ANKRD11: variants seen among roughly 807,000 people sequenced by gnomAD.
The protein encoded by ANKRD11 is ankyrin repeat domain-containing protein 11.
Under a neutral mutation model 195.7 loss-of-function variants are expected in ANKRD11, and 17 were observed. That is an observed-to-expected ratio of 0.09 (90% CI 0.06 to 0.13). The LOEUF is 0.13. ANKRD11 is among the 10% of genes least tolerant of loss of function. The pLI, the probability that ANKRD11 is intolerant of heterozygous loss-of-function variation, is 1.00. For missense variants in ANKRD11, 3,735 were observed against 3,566.1 expected (o/e 1.05, Z -1.21); for synonymous variants, 1,953 against 1,528.1 (o/e 1.28, Z -6.49).
intron 2 of ANKRD11, among the ~76,000 whole-genome samples, chr16:89,416,369 G>A (rs1421094552): frequency 1.3e-5 from 2 of 151,908 alleles, no homozygotes; most frequent in African/African-American, 4.8e-5. Context: ...TTGTGATCTT[G>A]GCTCACTGAA....
chr16:89,301,210 G>A (rs969581211), intron 4 of ANKRD11: 1 of 413,928 alleles, frequency 2.4e-6, no homozygotes, highest in African/African-American at 2.1e-5. Context: ...AGCCTCAAGG[G>A]ATCCTCCCGC....
At chr16:89,459,256 G>A (rs1362665476) in intron 1 of ANKRD11, 3 of 171,648 alleles carry the variant, frequency 1.7e-5, no homozygotes, top group Middle Eastern at 2.0e-3. Flanking sequence ...GTCTTGAGAG[G>A]AGGGAACAGT....
rs143429968 is a variant in ANKRD11 at position 89,274,850 on chromosome 16, C to T, written c.7677G>A (p.Leu2559=). Residue 2559 remains leucine (L), a synonymous_variant, in exon 11 of 13, where the codon CTG becomes CTA. Coordinates refer to ENST00000301030, the MANE Select transcript of ANKRD11 (RefSeq NM_013275.6). ...GGGGCATGTTGTAGACCTCGGAGTC[C>T]AGCAGCATCGTGCAGGCGCTGAATG... The part of the protein sequence containing the change: ...AVPFSACTML[L]DSEVYNMPLE... 10 of 1,612,710 alleles carry T rather than the reference C, an allele frequency of 6.2e-6. No homozygotes were observed. In the Admixed American group the frequency reaches 1.5e-4, roughly 24 times the overall value.
In ANKRD11 at chr16:89,418,339, G is replaced by T; in HGVS notation, c.-115C>A. Reference sequence around the variant, plus strand: ...AGGACTGTCTTTTAAATCCAATGGAGGTGTGTCCCAGAGCAGGGCTGTATA... The same window carrying T: ...AGGACTGTCTTTTAAATCCAATGGATGTGTGTCCCAGAGCAGGGCTGTATA... On this transcript the variant is annotated 5_prime_UTR_variant, in exon 2 of 13. Transcript: ENST00000301030. The T allele has an allele frequency of 2.2e-6, 1 of 453,898 alleles. No individual in the cohort carries two copies. The allele number at this position is 453,898 out of a possible 1,614,324, so 28.1% of individuals were successfully genotyped here. A position where few individuals can be genotyped will look rare whatever the true frequency, so the allele number is the denominator to read the frequency against.
In ANKRD11 at chr16:89,281,432, G is replaced by T. The variant is rs1567565765; in HGVS notation, c.5110C>A (p.Pro1704Thr). 6.2e-7 allele frequency: 1 copy of T among 1,612,936 alleles called. No homozygotes were observed. Among genetic ancestry groups the T allele is most frequent in the African/African-American group, 1.3e-5 (1 of 74,992 alleles). Reference protein sequence around the residue: ...RPDQSRPTGVPTPTSVLSCPS... With the variant: ...RPDQSRPTGVTTPTSVLSCPS... ...CAGGATAGCACCGACGTAGGGGTGG[G>T]CACGCCAGTGGGCCGGCTCTGGTCA... Residue 1704 changes from proline (P) to threonine (T), a missense_variant, in exon 9 of 13, where the codon CCC (proline) becomes ACC (threonine). Coordinates refer to ENST00000301030, the MANE Select transcript of ANKRD11 (RefSeq NM_013275.6). This position sits in a 1 kb window ranked among gnomAD's most constrained non-coding sequence, Gnocchi z 5.5.
At chr16:89,383,179 G>A (rs1490038422) in intron 2 of ANKRD11, among the ~76,000 whole-genome samples, 2 of 152,236 alleles carry the variant, frequency 1.3e-5, no homozygotes, top group African/African-American at 2.4e-5. Context: ...TGAGTAAAGG[G>A]AGCGGTGCGA....
At chr16:89,289,624 G>A (rs1439702209) in intron 6 of ANKRD11, among the ~76,000 whole-genome samples, 3 of 152,222 alleles carry the variant, frequency 2.0e-5, no homozygotes, top group South Asian at 2.1e-4. Context: ...CGGCCTCCCG[G>A]CTCAGAGGTG....
intron 1 of ANKRD11, among the ~76,000 whole-genome samples, chr16:89,459,646 C>T (rs1381616477): frequency 2.0e-5 from 3 of 152,074 alleles, no homozygotes; most frequent in South Asian, 2.1e-4. Context: ...AACAACTGAT[C>T]GTGTTCTATA....
Position 89,320,169 on chromosome 16 carries a change from T to G in ANKRD11, c.-59-3091A>C, listed in dbSNP as rs981968579. On this transcript the variant is annotated intron_variant, in intron 2 of 12. Transcript: ENST00000301030. The stretch of plus-strand genomic sequence containing the variant: ...CTGGCAGGGCTGTCACATAAAACAG[T>G]CCTTGAAGCTGGGAGTCCCCTCTTT... 3 of 152,182 alleles carry G rather than the reference T, an allele frequency of 2.0e-5. No homozygotes were observed. The East Asian group carries it at 5.8e-4, about 29-fold the overall frequency. 9.4% of individuals were successfully genotyped at this position (152,182 alleles called of 1,614,324 possible). A position where few individuals can be genotyped will look rare whatever the true frequency, so the allele number is the denominator to read the frequency against.
intron 9 of ANKRD11, 119 bp downstream of exon 9, chr16:89,278,953 A>C: frequency 6.8e-7 from 1 of 1,468,136 alleles, no homozygotes. Flanking sequence ...AGGTGGCAGA[A>C]GGTCGAGAGA....
intron 2 of ANKRD11, among the ~76,000 whole-genome samples, chr16:89,339,320 A>C (rs1257911666): frequency 6.6e-6 from 1 of 152,228 alleles, no homozygotes; most frequent in Non-Finnish European, 1.5e-5. Flanking sequence ...CCAAAGGAGT[A>C]AGAGAGGCCC....
intron 1 of ANKRD11, among the ~76,000 whole-genome samples, chr16:89,432,236 T>TACACACACAC (rs59807718): frequency 9.8e-5 from 14 of 142,944 alleles, no homozygotes; most frequent in African/African-American, 3.7e-4. Context: ...CGTGATGCAG[T>TACACACACAC]ACACACACAC....
chr16:89,364,455 A>G (rs1214730266), intron 2 of ANKRD11, among the ~76,000 whole-genome samples: 1 of 152,216 alleles, frequency 6.6e-6, no homozygotes, highest in Non-Finnish European at 1.5e-5. Context: ...GTTGTTTGAG[A>G]TGCTACTTAA....
chr16:89,295,865 G>C (rs1185006665), intron 4 of ANKRD11, among the ~76,000 whole-genome samples: 1 of 39,998 alleles, frequency 2.5e-5, no homozygotes, highest in Non-Finnish European at 5.4e-5. Flanking sequence ...GCTCTGTGCA[G>C]GTGGGATGTG....
At chr16:89,456,975 T>C (rs2056465977) in intron 1 of ANKRD11, among the ~76,000 whole-genome samples, 1 of 129,490 alleles carries the variant, frequency 7.7e-6, no homozygotes, top group African/African-American at 2.8e-5. Context: ...TTTTTTTTTT[T>C]TTGAGACGGA....
At chr16:89,420,663 T>G (rs1035418360) in intron 1 of ANKRD11, among the ~76,000 whole-genome samples, 1 of 152,206 alleles carries the variant, frequency 6.6e-6, no homozygotes, top group Non-Finnish European at 1.5e-5. Context: ...ACTGATCCCA[T>G]TATCTCTGGA....
chr16:89,341,947 G>A (rs1452494205), intron 2 of ANKRD11, among the ~76,000 whole-genome samples: 10 of 125,346 alleles, frequency 8.0e-5, no homozygotes, highest in Non-Finnish European at 1.6e-4. Context: ...CCTCCTCCAC[G>A]AACAGCAGCC....
At chr16:89,349,653 T>G (rs186096923) in intron 2 of ANKRD11, among the ~76,000 whole-genome samples, 4 of 152,244 alleles carry the variant, frequency 2.6e-5, no homozygotes, top group Admixed American at 2.6e-4. Context: ...CAAAAATTAT[T>G]TCATAATTGA....
intron 4 of ANKRD11, among the ~76,000 whole-genome samples, chr16:89,295,506 GCA>G (rs1165766343): frequency 6.6e-6 from 1 of 152,206 alleles, no homozygotes; most frequent in African/African-American, 2.4e-5. Context: ...CTCCTCCTCA[GCA>G]CAGAGCTGAG....
Sources: gnomAD v4.1 joint callset for allele counts (sites outside exome capture counted in the v4.1 genomes callset) on GRCh38, gnomAD v4.1.1 for gene constraint, Gnocchi (gnomAD v3.1) non-coding constraint, MANE v1.5 for transcripts, NCBI Gene and HGNC (gene_info 2026-07-23, HGNC 2026-07-21) for gene names.